OPCML: variants seen among roughly 807,000 people sequenced by gnomAD.
OPCML encodes opioid-binding protein/cell adhesion molecule.
A neutral mutation model predicts 37.8 loss-of-function variants in OPCML; 13 were observed. The ratio of observed to expected loss-of-function variants is 0.34; its 90% CI spans 0.22 to 0.55. The LOEUF is 0.55. OPCML is among the 20% of genes least tolerant of loss of function. The pLI, the probability that OPCML is intolerant of heterozygous loss-of-function variation, is 0.91. For synonymous variants in OPCML, 176 were observed against 168.8 expected (o/e 1.04, Z -0.33); for missense variants, 341 against 435.6 (o/e 0.78, Z 1.93).
intron 1 of OPCML, among the ~76,000 whole-genome samples, chr11:132,946,449 C>T (rs909985694): frequency 6.6e-6 from 1 of 152,218 alleles, no homozygotes; most frequent in Non-Finnish European, 1.5e-5. Context: ...TTCATGGGAC[C>T]GGCAGCATAG....
rs1433954422 is a variant in OPCML at position 133,221,385 on chromosome 11, C to G, written c.62-278375G>C. On this transcript the variant is annotated intron_variant, in intron 1 of 7. Coordinates refer to ENST00000524381, the MANE Select transcript of OPCML (RefSeq NM_001012393.5). ...CACCTTCACATAACAACTGCATGAC[C>G]TGAGCAAAGTCGCTTGGTCTGAGAC... 3.9e-5 allele frequency among the ~76,000 whole-genome samples: 6 copies of G among 152,356 alleles called. No individual in the cohort carries two copies. In the East Asian group the frequency reaches 7.7e-4, roughly 20 times the overall value.
intron 4 of OPCML, among the ~76,000 whole-genome samples, chr11:132,481,782 A>G (rs1488016707): frequency 1.3e-5 from 2 of 150,968 alleles, no homozygotes; most frequent in African/African-American, 4.9e-5. Context: ...AAACCACTCA[A>G]CTACATGGAA....
rs919348212 is a variant in OPCML, at chr11:132,922,885, G to T, written c.146+20041C>A. On this transcript the variant is annotated intron_variant, in intron 2 of 7. Transcript: ENST00000524381. ...CTCAGTTTGAGACCAGTCTAGCAACGCAGGGAGACCACATCTCTACACGTT... is the reference window on the plus strand; with the variant it reads ...CTCAGTTTGAGACCAGTCTAGCAACTCAGGGAGACCACATCTCTACACGTT... 2.0e-5 allele frequency among the ~76,000 whole-genome samples: 3 copies of T among 151,654 alleles called. No homozygotes were observed. In the East Asian group the frequency reaches 5.9e-4, roughly 30 times the overall value.
chr11:133,149,677 G>A (rs1288997704), intron 1 of OPCML, among the ~76,000 whole-genome samples: 1 of 152,202 alleles, frequency 6.6e-6, no homozygotes, highest in African/African-American at 2.4e-5. Context: ...TAGAGCATGT[G>A]CAGTTGAGGA....
At chr11:133,328,668 T>G (rs1457927150) in intron 1 of OPCML, among the ~76,000 whole-genome samples, 2 of 152,194 alleles carry the variant, frequency 1.3e-5, no homozygotes, top group Admixed American at 6.5e-5. Context: ...AAAAATGTTT[T>G]GATGGGACAT....
At chr11:133,399,733 C>T (rs2136834209) in intron 1 of OPCML, among the ~76,000 whole-genome samples, 2 of 152,218 alleles carry the variant, frequency 1.3e-5, no homozygotes, top group South Asian at 4.1e-4. Flanking sequence ...ATAACCCATG[C>T]AGAGCATTCC....
At chr11:133,058,945 G>T (rs1948291145) in intron 1 of OPCML, among the ~76,000 whole-genome samples, 1 of 152,208 alleles carries the variant, frequency 6.6e-6, no homozygotes, top group African/African-American at 2.4e-5. Context: ...TGCCGCCACT[G>T]GGCTGGTAAC....
intron 1 of OPCML, among the ~76,000 whole-genome samples, chr11:133,167,676 G>A (rs768654907): frequency 8.3e-4 from 126 of 152,160 alleles, no homozygotes; most frequent in Admixed American, 2.0e-3. Flanking sequence ...CCACTGTGGG[G>A]TGATCAGAGA....
At chr11:132,638,184 T>C (rs755417852) in intron 3 of OPCML, among the ~76,000 whole-genome samples, 2 of 126,890 alleles carry the variant, frequency 1.6e-5, no homozygotes, top group Non-Finnish European at 3.4e-5. Context: ...TATATATATA[T>C]ATACAGAGAG....
intron 3 of OPCML, among the ~76,000 whole-genome samples, chr11:132,648,260 CTGAGG>C (rs1305895650): frequency 6.6e-6 from 1 of 152,162 alleles, no homozygotes; most frequent in East Asian, 1.9e-4. Context: ...TGTCCTTCTT[CTGAGG>C]TGTGATTGCT....
chr11:133,015,336 G>A (rs1189558531), intron 1 of OPCML, among the ~76,000 whole-genome samples: 1 of 142,634 alleles, frequency 7.0e-6, no homozygotes, highest in African/African-American at 2.6e-5. Flanking sequence ...AAAAAAGAAG[G>A]AAGGGAGGGA....
chr11:132,469,973 T>C (rs2096132800), intron 4 of OPCML, among the ~76,000 whole-genome samples: 1 of 149,754 alleles, frequency 6.7e-6, no homozygotes, highest in Non-Finnish European at 1.5e-5. Flanking sequence ...GTGTTTGTGG[T>C]GGGGGATGGT....
intron 1 of OPCML, among the ~76,000 whole-genome samples, chr11:133,153,689 C>A (rs1040376415): frequency 1.3e-5 from 2 of 152,072 alleles, no homozygotes; most frequent in Non-Finnish European, 2.9e-5. Flanking sequence ...CACCAGGCAC[C>A]TTTTTCCCTG....
intron 3 of OPCML, among the ~76,000 whole-genome samples, chr11:132,530,858 C>A (rs942103806): frequency 5.9e-5 from 9 of 152,254 alleles, no homozygotes; most frequent in Non-Finnish European, 1.3e-4. Context: ...TATAACTTTT[C>A]TATTCCTTGA....
At chr11:132,963,079 C>T (rs1245088265) in intron 1 of OPCML, among the ~76,000 whole-genome samples, 1 of 152,156 alleles carries the variant, frequency 6.6e-6, no homozygotes, top group Non-Finnish European at 1.5e-5. Flanking sequence ...CATTATCCAC[C>T]CCACCACTAG....
intron 1 of OPCML, among the ~76,000 whole-genome samples, chr11:133,046,108 C>G (rs1309419406): frequency 2.6e-5 from 4 of 152,174 alleles, no homozygotes; most frequent in Non-Finnish European, 5.9e-5. Flanking sequence ...GAGATTCGAC[C>G]TGGGGAAGTG....
At chr11:132,489,109 G>C (rs1247232618) in intron 4 of OPCML, among the ~76,000 whole-genome samples, 1 of 152,080 alleles carries the variant, frequency 6.6e-6, no homozygotes, top group Non-Finnish European at 1.5e-5. Context: ...TATTCCTTAA[G>C]CTTTTTCCAA....
At chr11:133,184,371 A>G (rs1294836725) in intron 1 of OPCML, among the ~76,000 whole-genome samples, 1 of 152,128 alleles carries the variant, frequency 6.6e-6, no homozygotes, top group Admixed American at 6.5e-5. Context: ...TTCTTCAATG[A>G]AGTGGCCTTT....
intron 1 of OPCML, among the ~76,000 whole-genome samples, chr11:133,021,266 T>G (rs1027634173): frequency 1.1e-4 from 17 of 152,152 alleles, no homozygotes; most frequent in African/African-American, 4.1e-4. Flanking sequence ...GCCCAATTTT[T>G]TAGGCGAGAG....
Sources: allele counts gnomAD v4.1 joint callset (sites outside exome capture counted in the v4.1 genomes callset), GRCh38; gene constraint gnomAD v4.1.1; transcripts MANE v1.5; gene names NCBI Gene and HGNC (gene_info 2026-07-23, HGNC 2026-07-21).